Variants in KSR2 observed in about 807,000 individuals in gnomAD.
KSR2 encodes kinase suppressor of ras 2.
In KSR2, 25 loss-of-function variants were observed where a neutral mutation model predicts 107.8. That is an observed-to-expected ratio of 0.23 (90% CI 0.17 to 0.32). The LOEUF is 0.32. Among genes scored for constraint, KSR2 ranks in the 10% least tolerant of loss-of-function variants. The pLI, the probability that KSR2 is intolerant of heterozygous loss-of-function variation, is 1.00. For synonymous variants in KSR2, 480 were observed against 507.0 expected (o/e 0.95, Z 0.71); for missense variants, 887 against 1,268.9 (o/e 0.70, Z 4.57).
intron 7 of KSR2, among the ~76,000 whole-genome samples, chr12:117,570,089 G>A (rs1020807095): frequency 4.6e-5 from 7 of 151,012 alleles, no homozygotes; most frequent in South Asian, 2.1e-4. Flanking sequence ...TGCAAGCTCC[G>A]CCTCCCAGGT....
At chr12:117,737,756 C>T (rs959790899) in intron 4 of KSR2, among the ~76,000 whole-genome samples, 1 of 136,578 alleles carries the variant, frequency 7.3e-6, no homozygotes, top group Non-Finnish European at 1.5e-5. Flanking sequence ...GCACTCCAGC[C>T]TGGGTGAGAG....
intron 7 of KSR2, among the ~76,000 whole-genome samples, chr12:117,563,672 A>T (rs1878270129): frequency 6.6e-6 from 1 of 152,182 alleles, no homozygotes; most frequent in Non-Finnish European, 1.5e-5. Flanking sequence ...CAAGCCCCTA[A>T]GATCCTCTGC....
At chr12:117,875,350 T>C (rs982219372) in intron 1 of KSR2, among the ~76,000 whole-genome samples, 5 of 144,544 alleles carry the variant, frequency 3.5e-5, no homozygotes, top group Non-Finnish European at 7.5e-5. Context: ...TTTTTTTTTT[T>C]TAAGAACGAA....
At chr12:117,520,216 C>T (rs931326552) in intron 14 of KSR2, among the ~76,000 whole-genome samples, 3 of 152,186 alleles carry the variant, frequency 2.0e-5, no homozygotes, top group Non-Finnish European at 4.4e-5. Flanking sequence ...GGCAAGGGCT[C>T]CCTCTGCCTT....
Position 117,667,485 on chromosome 12 carries a change from T to A in KSR2, c.1160A>T (p.Asn387Ile). Residue 387 changes from asparagine (N) to isoleucine (I), a missense_variant, in exon 5 of 20, where the codon AAC (asparagine) becomes ATC (isoleucine). Coordinates refer to ENST00000339824, the MANE Select transcript of KSR2 (RefSeq NM_173598.6). Reference protein sequence around the residue: ...PSTPPVHTEANFSANTLSVPR... With the variant: ...PSTPPVHTEAIFSANTLSVPR... Reference sequence around the variant, plus strand: ...GCAGGGTGACTTACTTGCAGAGAAGTTGGCCTCAGTGTGAACAGGAGGGGT... The same window carrying A: ...GCAGGGTGACTTACTTGCAGAGAAGATGGCCTCAGTGTGAACAGGAGGGGT... 6.2e-7 allele frequency: 1 copy of A among 1,610,808 alleles called. No homozygotes were observed. Among genetic ancestry groups the A allele is most frequent in the Middle Eastern group, 1.7e-4 (1 of 5,880 alleles).
intron 4 of KSR2, among the ~76,000 whole-genome samples, chr12:117,722,284 C>G (rs1277711025): frequency 6.6e-6 from 1 of 152,168 alleles, no homozygotes; most frequent in Non-Finnish European, 1.5e-5. Context: ...GACCTACATC[C>G]AAACAGCTTG....
intron 1 of KSR2, among the ~76,000 whole-genome samples, chr12:117,901,798 G>T (rs1894692741): frequency 6.6e-6 from 1 of 152,104 alleles, no homozygotes; most frequent in Admixed American, 6.6e-5. Flanking sequence ...CCGCTGGGTG[G>T]GTTTACGAGG....
intron 1 of KSR2, among the ~76,000 whole-genome samples, chr12:117,966,706 C>CT (rs1896808019): frequency 6.6e-6 from 1 of 151,784 alleles, no homozygotes; most frequent in Non-Finnish European, 1.5e-5. Flanking sequence ...CTCTCTCTCT[C>CT]TCTTCTTTCA....
At chr12:117,658,608 G>T (rs1290475091) in intron 5 of KSR2, among the ~76,000 whole-genome samples, 2 of 152,166 alleles carry the variant, frequency 1.3e-5, no homozygotes, top group Non-Finnish European at 2.9e-5. Flanking sequence ...ACAGAAAAAG[G>T]TTGCTGACCC....
chr12:117,835,493 T>C (rs1459709245), intron 3 of KSR2, among the ~76,000 whole-genome samples: 1 of 152,170 alleles, frequency 6.6e-6, no homozygotes, highest in Non-Finnish European at 1.5e-5. Context: ...GCTCCTGGCT[T>C]TCATCTGGCC....
intron 3 of KSR2, among the ~76,000 whole-genome samples, chr12:117,826,455 G>C (rs1469245757): frequency 6.6e-6 from 1 of 150,696 alleles, no homozygotes; most frequent in African/African-American, 2.5e-5. Flanking sequence ...CTGGGCACTG[G>C]GAAGGAGGAA....
At chr12:117,746,380 T>C (rs1008280975) in intron 4 of KSR2, among the ~76,000 whole-genome samples, 5 of 152,162 alleles carry the variant, frequency 3.3e-5, no homozygotes, top group African/African-American at 7.2e-5. Flanking sequence ...GCTAGCCATA[T>C]GCAGAAAACA....
intron 4 of KSR2, among the ~76,000 whole-genome samples, chr12:117,758,253 C>T (rs1366451107): frequency 6.6e-6 from 1 of 152,182 alleles, no homozygotes; most frequent in South Asian, 2.1e-4. Flanking sequence ...TGGGACTCAC[C>T]TCAACTAACG....
At chr12:117,810,974 C>G (rs1295736117) in intron 3 of KSR2, among the ~76,000 whole-genome samples, 1 of 152,156 alleles carries the variant, frequency 6.6e-6, no homozygotes, top group Admixed American at 6.5e-5. Context: ...TGATATCTTT[C>G]AAAGAGGATC....
intron 1 of KSR2, among the ~76,000 whole-genome samples, chr12:117,950,319 C>G (rs1332387987): frequency 6.6e-6 from 1 of 151,964 alleles, no homozygotes; most frequent in Non-Finnish European, 1.5e-5. Flanking sequence ...GATTCATGGA[C>G]AGAGAAAGGG....
intron 17 of KSR2, among the ~76,000 whole-genome samples, chr12:117,474,859 A>T (rs1293587538): frequency 6.6e-6 from 1 of 151,948 alleles, no homozygotes. Flanking sequence ...CTGTGTCTAA[A>T]CCTGACCTCT....
intron 14 of KSR2, among the ~76,000 whole-genome samples, chr12:117,493,284 C>T (rs1872843133): frequency 6.6e-6 from 1 of 152,130 alleles, no homozygotes; most frequent in African/African-American, 2.4e-5. Context: ...GTACTATGAG[C>T]GATTGCTTCA....
At chr12:117,481,476 GAC>G (rs750236962) in intron 16 of KSR2, among the ~76,000 whole-genome samples, 3 of 152,132 alleles carry the variant, frequency 2.0e-5, no homozygotes, top group Non-Finnish European at 4.4e-5. Flanking sequence ...GCCATATGAG[GAC>G]ACAGTAAGAA....
At chr12:117,535,721 C>T (rs2137270891) in intron 10 of KSR2, among the ~76,000 whole-genome samples, 1 of 151,994 alleles carries the variant, frequency 6.6e-6, no homozygotes, top group South Asian at 2.1e-4. Flanking sequence ...TTTGAACACT[C>T]CAGCCTCAGA....
Sources: gnomAD v4.1 joint callset for allele counts (sites outside exome capture counted in the v4.1 genomes callset) on GRCh38, gnomAD v4.1.1 for gene constraint, MANE v1.5 for transcripts, NCBI Gene and HGNC (gene_info 2026-07-23, HGNC 2026-07-21) for gene names.